The following RTL4 variants were observed in gnomAD, a reference collection of about 807,000 sequenced individuals.
The protein encoded by RTL4 is retrotransposon Gag-like protein 4.
A neutral mutation model predicts 5.3 loss-of-function variants in RTL4; 4 were observed. The ratio of observed to expected loss-of-function variants is 0.75; its 90% CI spans 0.37 to 1.72. The LOEUF (loss-of-function observed/expected upper bound fraction) is 1.72, where lower values mean the gene tolerates loss of function less well. Among genes scored for constraint, RTL4 ranks in the 40% most tolerant of loss-of-function variants. The pLI, the probability that RTL4 is intolerant of heterozygous loss-of-function variation, is 0.04. For missense variants in RTL4, 260 were observed against 227.1 expected, an observed-to-expected ratio of 1.14 and a Z score of -0.93; for synonymous variants, 98 against 87.3, an observed-to-expected ratio of 1.12 and a Z score of -0.68.
At chrX:112,388,746 A>G in the RTL4 span, among the ~76,000 whole-genome samples, 1 of 112,432 alleles carries the variant, frequency 8.9e-6, no homozygotes, top group Non-Finnish European at 1.9e-5. Flanking sequence ...CCAACCTCAC[A>G]TCCCAGGGAT....
chrX:112,123,981 A>T, the RTL4 span, among the ~76,000 whole-genome samples: 17,546 of 110,520 alleles, frequency 0.16, 2,158 homozygotes, highest in African/African-American at 0.42. Flanking sequence ...ACCTTAAACA[A>T]ATTTACAAGA....
the RTL4 span, among the ~76,000 whole-genome samples, chrX:112,086,577 A>AATATC: frequency 8.9e-6 from 1 of 112,298 alleles, no homozygotes; most frequent in Non-Finnish European, 1.9e-5. Flanking sequence ...GAAAGCATGG[A>AATATC]ATATCTGTTC....
chrX:112,193,059 A>G, the RTL4 span, among the ~76,000 whole-genome samples: 1 of 111,828 alleles, frequency 8.9e-6, no homozygotes, highest in South Asian at 3.7e-4. Context: ...ATTCGTCAGT[A>G]TTTTGATTAT....
At chrX:112,427,029 C>A in the RTL4 span, among the ~76,000 whole-genome samples, 1 of 111,013 alleles carries the variant, frequency 9.0e-6, no homozygotes, top group African/African-American at 3.3e-5. Flanking sequence ...GAAATTATAC[C>A]AATTCTCTAC....
the RTL4 span, among the ~76,000 whole-genome samples, chrX:112,123,183 T>G: frequency 4.5e-5 from 5 of 112,071 alleles, no homozygotes; most frequent in Admixed American, 1.9e-4. Flanking sequence ...AACTAAACTC[T>G]TCTTTGCCAA....
the RTL4 span, among the ~76,000 whole-genome samples, chrX:112,443,356 C>T: frequency 9.0e-6 from 1 of 111,664 alleles, no homozygotes; most frequent in Non-Finnish European, 1.9e-5. Flanking sequence ...AGCTTGCTTC[C>T]AATTCTTGGC....
chrX:112,105,709 C>A, the RTL4 span, among the ~76,000 whole-genome samples: 3 of 111,295 alleles, frequency 2.7e-5, no homozygotes, highest in South Asian at 1.1e-3. Flanking sequence ...TATAGAAATG[C>A]TACTGATTTT....
chrX:112,383,844 G>A, the RTL4 span, among the ~76,000 whole-genome samples: 2 of 111,671 alleles, frequency 1.8e-5, no homozygotes, highest in African/African-American at 3.3e-5. Context: ...GGATACTAGA[G>A]TGGGGCAAGG....
At chrX:112,387,402 A>G in the RTL4 span, among the ~76,000 whole-genome samples, 94 of 98,190 alleles carry the variant, frequency 9.6e-4, no homozygotes, top group African/African-American at 3.4e-3. Flanking sequence ...TGGGAGACCT[A>G]AAGACAGATC....
At chrX:112,444,047 T>A in the RTL4 span, among the ~76,000 whole-genome samples, 2 of 111,787 alleles carry the variant, frequency 1.8e-5, no homozygotes, top group African/African-American at 6.5e-5. Flanking sequence ...CTCCACAATG[T>A]TTTCTTTTAG....
the RTL4 span, among the ~76,000 whole-genome samples, chrX:112,313,834 A>C: frequency 9.0e-6 from 1 of 110,804 alleles, no homozygotes; most frequent in African/African-American, 3.3e-5. Context: ...CAAAGTCATA[A>C]AGATGGATGT....
the RTL4 span, among the ~76,000 whole-genome samples, chrX:112,209,993 C>T: frequency 1.1e-4 from 12 of 112,081 alleles, no homozygotes; most frequent in Admixed American, 7.5e-4. Flanking sequence ...CTGACACCCC[C>T]AACACCATTG....
chrX:112,192,468 C>T, the RTL4 span, among the ~76,000 whole-genome samples: 1 of 110,942 alleles, frequency 9.0e-6, no homozygotes, highest in Non-Finnish European at 1.9e-5. Context: ...TACAGCACTG[C>T]CTTTTTTGTG....
the RTL4 span, among the ~76,000 whole-genome samples, chrX:112,337,276 A>ATTTAT: frequency 8.9e-6 from 1 of 111,926 alleles, no homozygotes; most frequent in African/African-American, 3.2e-5. Flanking sequence ...GAAAATAATT[A>ATTTAT]TTTATTTTAT....
chrX:112,176,575 T>C, the RTL4 span, among the ~76,000 whole-genome samples: 2 of 111,449 alleles, frequency 1.8e-5, no homozygotes, highest in Admixed American at 1.9e-4. Context: ...TGATATAACA[T>C]ATTTTTGAGG....
the RTL4 span, among the ~76,000 whole-genome samples, chrX:112,287,536 G>C: frequency 1.8e-5 from 2 of 111,674 alleles, no homozygotes; most frequent in Admixed American, 1.9e-4. Context: ...TACCTACTCT[G>C]TGCTAGGCAC....
the RTL4 span, among the ~76,000 whole-genome samples, chrX:112,155,963 T>C: frequency 8.9e-6 from 1 of 111,933 alleles, no homozygotes; most frequent in African/African-American, 3.2e-5. Flanking sequence ...TCTGGATGGC[T>C]CTGGTAGTTT....
chrX:112,369,763 C>T, the RTL4 span, among the ~76,000 whole-genome samples: 13 of 111,897 alleles, frequency 1.2e-4, no homozygotes, highest in Admixed American at 7.6e-4. Context: ...TAGAAGACCA[C>T]CTAGGAGTCT....
chrX:112,424,048 G>C, the RTL4 span, among the ~76,000 whole-genome samples: 3 of 110,973 alleles, frequency 2.7e-5, no homozygotes, highest in African/African-American at 9.8e-5. Context: ...CTGATGTCTG[G>C]GATGATTTTG....
Sources: gnomAD v4.1 joint callset for allele counts (sites outside exome capture counted in the v4.1 genomes callset) on GRCh38, gnomAD v4.1.1 for gene constraint, MANE v1.5 for transcripts, NCBI Gene and HGNC (gene_info 2026-07-23, HGNC 2026-07-21) for gene names.